The following XPR1 variants were observed in gnomAD, a reference collection of about 807,000 sequenced individuals.
XPR1 encodes xenotropic and polytropic retrovirus receptor 1, also known as solute carrier family 53 member 1.
In XPR1, 28 loss-of-function variants were observed where a neutral mutation model predicts 87.5. That is an observed-to-expected ratio of 0.32 (90% CI 0.24 to 0.44). The LOEUF is 0.44. Ranked by LOEUF, XPR1 falls within the 20% of genes least tolerant of loss-of-function variation. XPR1 has a pLI of 1.00. For missense variants in XPR1, 559 were observed against 862.3 expected, an observed-to-expected ratio of 0.65 and a Z score of 4.41; for synonymous variants, 300 against 306.1, an observed-to-expected ratio of 0.98 and a Z score of 0.21.
intron 3 of XPR1, among the ~76,000 whole-genome samples, chr1:180,795,808 T>G (rs183761903): frequency 6.6e-6 from 1 of 152,144 alleles, no homozygotes; most frequent in African/African-American, 2.4e-5. Context: ...CTCATTCACT[T>G]ATTTATTTAT....
At chr1:180,873,036 T>C (rs1473233152) in intron 12 of XPR1, among the ~76,000 whole-genome samples, 1 of 152,070 alleles carries the variant, frequency 6.6e-6, no homozygotes, top group Non-Finnish European at 1.5e-5. Flanking sequence ...AAATAAATAT[T>C]ATGGCTTAAT....
rs34479247 is a variant in XPR1 at position 180,637,050 on chromosome 1, C to CAA, written c.69+4800_69+4801dup. 4.1e-3 allele frequency among the ~76,000 whole-genome samples: 338 copies of CAA among 81,496 alleles called. 3 individuals carry two copies. Among genetic ancestry groups the CAA allele is most frequent in the African/African-American group, 0.012 (247 of 20,032 alleles). The allele number at this position is 81,496 out of a possible 152,430, so 53.5% of individuals were successfully genotyped here. On this transcript the variant is annotated intron_variant, in intron 1 of 14. Coordinates refer to ENST00000367590, the MANE Select transcript of XPR1 (RefSeq NM_004736.4). ...CTGGCAACAGAGTAAGACTTCATCT[C>CAA]AAAAAAAAAAAAAAAAAAAAAGGAA... is the stretch of plus-strand genomic sequence containing the variant.
rs1652952341 is a variant in XPR1 at position 180,884,677 on chromosome 1, CAT to C, written c.*613_*614del. On this transcript the variant is annotated 3_prime_UTR_variant, in exon 15 of 15. Transcript: ENST00000367590. ...TGGGAAATATGATGTATTTGTTACA[CAT>C]AGTTTTCTCATTATTTATGAAACTT... 1 of 152,646 alleles carries C rather than the reference CAT, an allele frequency of 6.6e-6. No homozygotes were observed. The highest frequency in any genetic ancestry group is 2.4e-5 in the African/African-American group (1 of 41,432). The allele number at this position is 152,646 out of a possible 1,614,324, so 9.5% of individuals were successfully genotyped here. A position where few individuals can be genotyped will look rare whatever the true frequency, so the allele number is the denominator to read the frequency against.
chr1:180,724,596 A>G (rs1239266279), intron 2 of XPR1, among the ~76,000 whole-genome samples: 1 of 152,116 alleles, frequency 6.6e-6, no homozygotes, highest in African/African-American at 2.4e-5. Context: ...GCAAAATGTT[A>G]AGTAAGAAAT....
At chr1:180,711,683 G>T (rs910922475) in intron 2 of XPR1, among the ~76,000 whole-genome samples, 1 of 152,132 alleles carries the variant, frequency 6.6e-6, no homozygotes, top group African/African-American at 2.4e-5. Flanking sequence ...ATTTTGCAAA[G>T]ATTTTTCAAA....
intron 2 of XPR1, among the ~76,000 whole-genome samples, chr1:180,757,176 T>C (rs1015872593): frequency 2.6e-5 from 4 of 152,188 alleles, no homozygotes; most frequent in African/African-American, 9.7e-5. Context: ...TCAGCTAAAA[T>C]TTAATCTATC....
rs199985269 is a variant in XPR1, at chr1:180,880,091, C to T, written c.1824C>T (p.Asn608=). 109 of 1,614,216 alleles carry T rather than the reference C, an allele frequency of 6.8e-5. No homozygotes were observed. In the East Asian group the frequency reaches 8.7e-4, roughly 13 times the overall value. The change falls in exon 14 of 15, where the codon AAC becomes AAT. Residue 608 remains asparagine (N), a synonymous_variant. Transcript: ENST00000367590. ...TTTTGCTAAGGCGATTTGTGTGGAA[C>T]TTCTTCCGCCTGGAGAATGAACATC... is the stretch of plus-strand genomic sequence containing the variant. ...PLEVFRRFVW[N]FFRLENEHLN... is the part of the protein sequence containing the mutation.
chr1:180,735,041 A>G (rs972905909), intron 2 of XPR1, among the ~76,000 whole-genome samples: 1 of 152,200 alleles, frequency 6.6e-6, no homozygotes, highest in Non-Finnish European at 1.5e-5. Flanking sequence ...AGTTCTCTTG[A>G]CTTACTCATA....
chr1:180,704,426 T>A (rs1657480814), intron 2 of XPR1, among the ~76,000 whole-genome samples: 1 of 151,276 alleles, frequency 6.6e-6, no homozygotes, highest in African/African-American at 2.4e-5. Context: ...CTTTGTCAAT[T>A]ATTTGGTTAT....
At chr1:180,825,949 C>G (rs1331324192) in intron 9 of XPR1, among the ~76,000 whole-genome samples, 2 of 152,118 alleles carry the variant, frequency 1.3e-5, no homozygotes, top group African/African-American at 4.8e-5. Flanking sequence ...ACTAGGGAGG[C>G]TGAGGCAGGA....
intron 2 of XPR1, among the ~76,000 whole-genome samples, chr1:180,710,418 G>GT (rs1657722942): frequency 6.6e-6 from 1 of 152,070 alleles, no homozygotes; most frequent in African/African-American, 2.4e-5. Flanking sequence ...CGAGCATGCT[G>GT]CCTTCAAGCA....
At chr1:180,661,518 T>TGTGTGG (rs1553233623) in intron 1 of XPR1, among the ~76,000 whole-genome samples, 1 of 145,198 alleles carries the variant, frequency 6.9e-6, no homozygotes, top group Non-Finnish European at 1.5e-5. Flanking sequence ...TGTGTGTGTG[T>TGTGTGG]GGTATGTTTT....
At chr1:180,824,609 T>C (rs1034714461) in intron 7 of XPR1, 144 bp from the exon 8 acceptor site, 1 of 683,936 alleles carries the variant, frequency 1.5e-6, no homozygotes, top group African/African-American at 1.8e-5. Context: ...GATAGATAGA[T>C]AGATGATAGA....
intron 1 of XPR1, among the ~76,000 whole-genome samples, chr1:180,669,209 G>A (rs1232988782): frequency 1.3e-5 from 2 of 152,006 alleles, no homozygotes; most frequent in Non-Finnish European, 2.9e-5. Flanking sequence ...TGGGTAGAGT[G>A]TTACATGTAT....
chr1:180,688,606 A>G (rs1380271821), intron 2 of XPR1, among the ~76,000 whole-genome samples: 1 of 152,166 alleles, frequency 6.6e-6, no homozygotes, highest in Non-Finnish European at 1.5e-5. Context: ...CCATCAGTGC[A>G]TCAGTCAGTC....
chr1:180,759,123 A>G (rs1647883002), intron 2 of XPR1, among the ~76,000 whole-genome samples: 1 of 152,240 alleles, frequency 6.6e-6, no homozygotes, highest in South Asian at 2.1e-4. Context: ...AGCAGTGTGT[A>G]GAAGGAAATT....
chr1:180,677,889 A>T (rs1656420281), intron 1 of XPR1, among the ~76,000 whole-genome samples: 1 of 152,190 alleles, frequency 6.6e-6, no homozygotes, highest in Admixed American at 6.5e-5. Flanking sequence ...AGTTGGTTAG[A>T]TCAGATCTTT....
At chr1:180,658,728 C>CTTT (rs112053904) in intron 1 of XPR1, among the ~76,000 whole-genome samples, 1 of 140,666 alleles carries the variant, frequency 7.1e-6, no homozygotes, top group Non-Finnish European at 1.6e-5. Flanking sequence ...CCATGCCCAG[C>CTTT]TTTTTTTTTT....
chr1:180,880,297 A>C lies in XPR1; in HGVS notation c.2030A>C (p.Gln677Pro), dbSNP rs145195917. Residue 677 changes from glutamine to proline, a missense_variant and splice_region_variant, in exon 14 of 15, where the codon CAA becomes CCA. By Grantham distance (76) the Gln-to-Pro change is moderately conservative. Coordinates refer to ENST00000367590, the MANE Select transcript of XPR1 (RefSeq NM_004736.4). The stretch of plus-strand genomic sequence containing the variant: ...CTGCGCCGGCCTCGCCTCGCTTCTC[A>C]GTATGTATGGCTTCTACTTCTGTGA... Reference protein sequence around the residue: ...ISLRRPRLASQSKARDTKVLI... With the variant: ...ISLRRPRLASPSKARDTKVLI... The C allele has an allele frequency of 6.2e-7, 1 of 1,613,930 alleles. No individual in the cohort carries two copies. The highest frequency in any genetic ancestry group is 1.3e-5 in the African/African-American group (1 of 74,930).
Sources: allele counts gnomAD v4.1 joint callset (sites outside exome capture counted in the v4.1 genomes callset), GRCh38; gene constraint gnomAD v4.1.1; transcripts MANE v1.5; gene names NCBI Gene and HGNC (gene_info 2026-07-23, HGNC 2026-07-21).